PALD1: variants seen among roughly 807,000 people sequenced by gnomAD.
The protein encoded by PALD1 is paladin.
A neutral mutation model predicts 96.0 loss-of-function variants in PALD1; 57 were observed. The observed-to-expected ratio is 0.59, with a 90% CI of 0.48 to 0.74. The LOEUF (loss-of-function observed/expected upper bound fraction) is 0.74. Ranked by LOEUF, PALD1 falls within the 30% of genes least tolerant of loss-of-function variation. The pLI is 0.00. For missense variants in PALD1, 1,063 were observed against 1,143.7 expected (o/e 0.93, Z 1.02); for synonymous variants, 464 against 473.6 (o/e 0.98, Z 0.26).
At chr10:70,471,809 CA>C in the PALD1 span, among the ~76,000 whole-genome samples, 1 of 152,214 alleles carries the variant, frequency 6.6e-6, no homozygotes, top group African/African-American at 2.4e-5. Flanking sequence ...CACCCATCAG[CA>C]AAACTGTCTT....
At chr10:70,514,869 C>A in intron 1 of PALD1, among the ~76,000 whole-genome samples, 1 of 152,074 alleles carries the variant, frequency 6.6e-6, no homozygotes, top group East Asian at 1.9e-4. Context: ...AGAGTTGTGA[C>A]CTTTGCCCAA....
At chr10:70,510,602 T>G (rs889623196) in intron 1 of PALD1, among the ~76,000 whole-genome samples, 2 of 152,068 alleles carry the variant, frequency 1.3e-5, no homozygotes, top group Admixed American at 1.3e-4. Flanking sequence ...ATTGTTACAC[T>G]CCCCTCCCTC....
At chr10:70,466,627 A>C in the PALD1 span, among the ~76,000 whole-genome samples, 1 of 152,192 alleles carries the variant, frequency 6.6e-6, no homozygotes, top group African/African-American at 2.4e-5. Flanking sequence ...CCATCTCCAG[A>C]AGCTTTACAT....
intron 9 of PALD1, 46 bp downstream of exon 9, chr10:70,534,570 A>T: frequency 7.2e-7 from 1 of 1,395,172 alleles, no homozygotes; most frequent in South Asian, 1.2e-5. Context: ...GGTGGAGGGG[A>T]CGGTCACTCC....
At chr10:70,495,460 G>C (rs561953910) in intron 1 of PALD1, among the ~76,000 whole-genome samples, 1 of 152,278 alleles carries the variant, frequency 6.6e-6, no homozygotes, top group South Asian at 2.1e-4. Context: ...CAATGAAATG[G>C]CTTTTGCCAC....
intron 1 of PALD1, among the ~76,000 whole-genome samples, chr10:70,504,416 G>A (rs903994704): frequency 2.0e-5 from 3 of 152,078 alleles, no homozygotes; most frequent in South Asian, 2.1e-4. Context: ...TCAGCTACTC[G>A]GGAGGCTGAG....
At chr10:70,497,783 A>T (rs192806819) in intron 1 of PALD1, among the ~76,000 whole-genome samples, 12 of 151,990 alleles carry the variant, frequency 7.9e-5, no homozygotes, top group Admixed American at 3.3e-4. Flanking sequence ...TACCATGTTA[A>T]CCAGGATGGT....
At chr10:70,477,527 G>A (rs954594787), upstream of PALD1, among the ~76,000 whole-genome samples, 13 of 152,188 alleles carry the variant, frequency 8.5e-5, no homozygotes, top group African/African-American at 3.1e-4. Context: ...TGGAGCTGAG[G>A]ACAAGTCTTC....
intron 1 of PALD1, among the ~76,000 whole-genome samples, chr10:70,480,130 T>C (rs1239639941): frequency 6.6e-6 from 1 of 152,242 alleles, no homozygotes; most frequent in African/African-American, 2.4e-5. Context: ...CTTATTACCT[T>C]GCTCCAAGGG....
intron 1 of PALD1, among the ~76,000 whole-genome samples, chr10:70,500,545 C>T (rs780187010): frequency 6.6e-6 from 1 of 152,190 alleles, no homozygotes; most frequent in Non-Finnish European, 1.5e-5. Flanking sequence ...GCTTCCTCCC[C>T]CTTCCGGTCT....
chr10:70,533,119 C>A, intron 7 of PALD1, 49 bp downstream of exon 7: 1 of 1,474,554 alleles, frequency 6.8e-7, no homozygotes, highest in Non-Finnish European at 9.3e-7. Context: ...AGAGTCGTCC[C>A]CATGGAGGTG....
intron 1 of PALD1, among the ~76,000 whole-genome samples, chr10:70,507,486 G>A (rs534345157): frequency 1.2e-4 from 19 of 152,166 alleles, no homozygotes; most frequent in Non-Finnish European, 2.4e-4. Context: ...GTGCAGTGGT[G>A]CGATCACAGC....
chr10:70,534,537 C>A lies in PALD1; in HGVS notation c.1122+13C>A. Reference sequence around the variant, plus strand: ...GATGGTGGAAGAGGTGAGTGAGGGACAGCAAAGGGCTGGGGCAGGGGTGGT... The same window carrying A: ...GATGGTGGAAGAGGTGAGTGAGGGAAAGCAAAGGGCTGGGGCAGGGGTGGT... On this transcript the variant is annotated intron_variant, in intron 9 of 19. Transcript: ENST00000263563. The A allele has an allele frequency of 6.3e-7, 1 of 1,585,780 alleles. No homozygotes were observed. Among genetic ancestry groups the A allele is most frequent in the Non-Finnish European group, 8.6e-7 (1 of 1,157,142 alleles).
At chr10:70,563,368 C>T (rs1238725938) in intron 18 of PALD1, among the ~76,000 whole-genome samples, 2 of 152,208 alleles carry the variant, frequency 1.3e-5, no homozygotes, top group Non-Finnish European at 2.9e-5. Context: ...GCAAATCCAC[C>T]AGGCCTCCAC....
upstream of PALD1, among the ~76,000 whole-genome samples, chr10:70,473,898 C>CA (rs1349836660): frequency 6.6e-6 from 1 of 151,288 alleles, no homozygotes; most frequent in African/African-American, 2.5e-5. Flanking sequence ...TCCACCCCCC[C>CA]CCCCTCAGCC....
At chr10:70,476,987 A>G (rs1845833329), upstream of PALD1, among the ~76,000 whole-genome samples, 2 of 152,174 alleles carry the variant, frequency 1.3e-5, no homozygotes, top group Non-Finnish European at 2.9e-5. Flanking sequence ...ATGTTTATGT[A>G]TATATTTGTA....
intron 17 of PALD1, among the ~76,000 whole-genome samples, chr10:70,546,184 C>G (rs1847358453): frequency 6.6e-6 from 1 of 151,946 alleles, no homozygotes; most frequent in African/African-American, 2.4e-5. Context: ...TTGCAGTGAG[C>G]CGAGATCTCA....
chr10:70,516,289 G>A (rs944282466), intron 1 of PALD1, among the ~76,000 whole-genome samples: 7 of 151,726 alleles, frequency 4.6e-5, no homozygotes, highest in South Asian at 4.2e-4. Flanking sequence ...CAACCACCAC[G>A]CCTGGCTAAT....
chr10:70,524,076 G>T (rs887876796), intron 1 of PALD1, among the ~76,000 whole-genome samples: 4 of 152,176 alleles, frequency 2.6e-5, no homozygotes, highest in South Asian at 2.1e-4. Flanking sequence ...TGGGAGGGCT[G>T]GGGGGAGTGT....
Sources: gnomAD v4.1 joint callset for allele counts (sites outside exome capture counted in the v4.1 genomes callset) on GRCh38, gnomAD v4.1.1 for gene constraint, MANE v1.5 for transcripts, NCBI Gene and HGNC (gene_info 2026-07-23, HGNC 2026-07-21) for gene names.